SLC17A5: variants seen among roughly 807,000 people sequenced by gnomAD.
SLC17A5 encodes sialin.
A neutral mutation model predicts 59.4 loss-of-function variants in SLC17A5; 47 were observed. That is an observed-to-expected ratio of 0.79 (90% confidence interval 0.63 to 1.01). The LOEUF (loss-of-function observed/expected upper bound fraction) is 1.01. SLC17A5 is among the 50% of genes least tolerant of loss of function. The pLI, the probability that SLC17A5 is intolerant of heterozygous loss-of-function variation, is 0.00. For synonymous variants in SLC17A5, 202 were observed against 210.7 expected, an observed-to-expected ratio of 0.96 and a Z score of 0.36; for missense variants, 522 against 595.5, an observed-to-expected ratio of 0.88 and a Z score of 1.28.
At chr6:73,636,823 G>A (rs933260098) in intron 4 of SLC17A5, 116 bp from the exon 5 acceptor site, 20 of 777,232 alleles carry the variant, frequency 2.6e-5, no homozygotes, top group Admixed American at 1.6e-4. Flanking sequence ...GCTCATTCCT[G>A]TAATCCCTGC....
chr6:73,651,733 G>C (rs1250810013), intron 1 of SLC17A5, among the ~76,000 whole-genome samples: 2 of 151,720 alleles, frequency 1.3e-5, no homozygotes, highest in Non-Finnish European at 2.9e-5. Flanking sequence ...TAGTAGGGAC[G>C]GCGTTTCAGG....
At position 73,615,407 on chromosome 6, in the gene SLC17A5, A is replaced by G. The variant is rs1258988792; in HGVS notation, c.1019T>C (p.Leu340Ser). 6.2e-7 allele frequency: 1 copy of G among 1,613,924 alleles called. No individual in the cohort carries two copies. The highest frequency in any genetic ancestry group is 8.5e-7 in the Non-Finnish European group (1 of 1,179,958). Reference sequence around the variant, plus strand: ...AGCTTGACCAGACAGGATCATACATAACCAAGAGCCTAAATAAGGCAATGA... The same window carrying G: ...AGCTTGACCAGACAGGATCATACATGACCAAGAGCCTAAATAAGGCAATGA... ...LSSLPYLGSW[L>S]CMILSGQAAD... The change falls in exon 8 of 11, where the codon TTA becomes TCA. Residue 340 changes from leucine (L) to serine (S), a missense_variant. Coordinates refer to ENST00000355773, the MANE Select transcript of SLC17A5 (RefSeq NM_012434.5).
rs1163170650 is a variant in SLC17A5, at chr6:73,632,434, C to CTTT, written c.819+2945_819+2947dup. 2.0e-3 allele frequency among the ~76,000 whole-genome samples: 173 copies of CTTT among 86,776 alleles called. 7 individuals are homozygous for CTTT. The highest frequency in any genetic ancestry group is 6.3e-3 in the African/African-American group (154 of 24,300). 56.9% of individuals were successfully genotyped at this position (86,776 alleles called of 152,430 possible). ...AAGACACATATCGATGTAGAGAAAGCTTTTTTTTTTTTTTTTTTTTTTTTT... is the reference window on the plus strand; with the variant it reads ...AAGACACATATCGATGTAGAGAAAGCTTTTTTTTTTTTTTTTTTTTTTTTTTTT... On this transcript the variant is annotated intron_variant, in intron 6 of 10. Coordinates refer to ENST00000355773, the MANE Select transcript of SLC17A5 (RefSeq NM_012434.5).
chr6:73,650,209 AAAAAAAG>A (rs1233431449), intron 1 of SLC17A5, among the ~76,000 whole-genome samples: 16 of 76,176 alleles, frequency 2.1e-4, no homozygotes, highest in South Asian at 1.2e-3. Flanking sequence ...AAAAAAAAAA[AAAAAAAG>A]AAAGAAAAAA....
chr6:73,635,741 AC>A (rs1324696732), intron 5 of SLC17A5, among the ~76,000 whole-genome samples: 1 of 147,526 alleles, frequency 6.8e-6, no homozygotes, highest in African/African-American at 2.5e-5. Flanking sequence ...GAAGAAAACA[AC>A]TTTTTTTTTT....
chr6:73,601,572 G>C (rs80268675), intron 9 of SLC17A5, among the ~76,000 whole-genome samples: 1 of 34,028 alleles, frequency 2.9e-5, no homozygotes, highest in African/African-American at 2.0e-4. Flanking sequence ...GCCTCTGCCC[G>C]GCCGCCCCTA....
At position 73,635,368 on chromosome 6, in the gene SLC17A5, G is replaced by C. The variant is rs760950495; in HGVS notation, c.819+14C>G. On this transcript the variant is annotated intron_variant, in intron 6 of 10. Transcript: ENST00000355773. ...GTTTCTGACATTATTTTTAAAATGT[G>C]TCAAAGTCCATACCTGATTTCTTAA... The C allele has an allele frequency of 2.2e-6, 3 of 1,360,426 alleles. No homozygotes were observed. Among genetic ancestry groups the C allele is most frequent in the Non-Finnish European group, 3.1e-6 (3 of 956,144 alleles). 84.3% of individuals were successfully genotyped at this position (1,360,426 alleles called of 1,614,324 possible). A position where few individuals can be genotyped will look rare whatever the true frequency, so the allele number is the denominator to read the frequency against.
intron 7 of SLC17A5, among the ~76,000 whole-genome samples, chr6:73,617,772 G>A (rs542993669): frequency 2.5e-3 from 387 of 152,278 alleles, no homozygotes; most frequent in Middle Eastern, 0.014. Flanking sequence ...CCTGAGAGGC[G>A]GAGGTTGCAG....
chr6:73,635,600 T>G (rs1399230831), intron 5 of SLC17A5, 100 bp from the exon 6 acceptor site: 1 of 638,702 alleles, frequency 1.6e-6, no homozygotes, highest in African/African-American at 1.8e-5. Flanking sequence ...ACAACAATTT[T>G]TACATGTCTT....
At chr6:73,644,161 G>A (rs770971099) in intron 2 of SLC17A5, among the ~76,000 whole-genome samples, 7 of 152,074 alleles carry the variant, frequency 4.6e-5, no homozygotes, top group Non-Finnish European at 8.8e-5. Context: ...CTTTAAGCAT[G>A]GTATGTTTAT....
At chr6:73,652,822 A>G (rs1435190084) in intron 1 of SLC17A5, among the ~76,000 whole-genome samples, 8 of 152,236 alleles carry the variant, frequency 5.3e-5, no homozygotes, top group Admixed American at 5.2e-4. Flanking sequence ...TATAGAAACT[A>G]TACAATTCTG....
At chr6:73,608,127 C>T (rs558781104) in intron 9 of SLC17A5, among the ~76,000 whole-genome samples, 3 of 152,200 alleles carry the variant, frequency 2.0e-5, no homozygotes, top group Non-Finnish European at 2.9e-5. Flanking sequence ...TGGATGTTAC[C>T]GATGGATTCC....
chr6:73,622,011 T>A, intron 6 of SLC17A5, 49 bp from the exon 7 acceptor site: 2 of 1,566,142 alleles, frequency 1.3e-6, no homozygotes, highest in Non-Finnish European at 1.8e-6. Context: ...TGTTAATGCT[T>A]AGATCTGTAC....
Position 73,593,575 on chromosome 6 carries a change from A to T in SLC17A5, c.*1502T>A, listed in dbSNP as rs1223569599. On this transcript the variant is annotated 3_prime_UTR_variant, in exon 11 of 11. Coordinates refer to ENST00000355773, the MANE Select transcript of SLC17A5 (RefSeq NM_012434.5). ...ACATAGGTGTTCTGAAAGCATGCTC[A>T]ACAACCACAGCCACTGGAGGATGGT... The T allele has an allele frequency of 6.6e-6, 1 of 152,246 alleles. No homozygotes were observed. The highest frequency in any genetic ancestry group is 1.5e-5 in the Non-Finnish European group (1 of 68,040). 9.4% of individuals were successfully genotyped at this position (152,246 alleles called of 1,614,324 possible).
chr6:73,618,139 G>C (rs1767956542), intron 7 of SLC17A5, among the ~76,000 whole-genome samples: 1 of 151,846 alleles, frequency 6.6e-6, no homozygotes, highest in Non-Finnish European at 1.5e-5. Flanking sequence ...TGACAGAGGA[G>C]AATCGCTTGA....
intron 1 of SLC17A5, among the ~76,000 whole-genome samples, chr6:73,651,070 G>A (rs1280688563): frequency 6.6e-6 from 1 of 152,168 alleles, no homozygotes; most frequent in East Asian, 1.9e-4. Flanking sequence ...AAGAAAAGGA[G>A]CGGGGCAGGG....
At chr6:73,631,481 C>G (rs1371146303) in intron 6 of SLC17A5, among the ~76,000 whole-genome samples, 1 of 151,754 alleles carries the variant, frequency 6.6e-6, no homozygotes, top group African/African-American at 2.4e-5. Context: ...TCTTTAAACC[C>G]TTCCCAAAGT....
At chr6:73,653,760 C>A in intron 1 of SLC17A5, 33 bp downstream of exon 1, 1 of 1,539,496 alleles carries the variant, frequency 6.5e-7, no homozygotes, top group South Asian at 1.2e-5. Flanking sequence ...TACCGCTGCC[C>A]ACTCGAAGCC....
At chr6:73,613,425 G>T (rs1561988986) in intron 8 of SLC17A5, among the ~76,000 whole-genome samples, 1 of 152,022 alleles carries the variant, frequency 6.6e-6, no homozygotes, top group African/African-American at 2.4e-5. Flanking sequence ...GAGTGCAGTG[G>T]CGCGATTTCA....
Sources: gnomAD v4.1 joint callset for allele counts (sites outside exome capture counted in the v4.1 genomes callset) on GRCh38, gnomAD v4.1.1 for gene constraint, MANE v1.5 for transcripts, NCBI Gene and HGNC (gene_info 2026-07-23, HGNC 2026-07-21) for gene names.